The following ARHGEF4 variants were observed in gnomAD, a reference collection of about 807,000 sequenced individuals.
ARHGEF4 encodes the protein Rho guanine nucleotide exchange factor 4.
In ARHGEF4, 119 loss-of-function variants were observed where a neutral mutation model predicts 162.0. That is an observed-to-expected ratio of 0.73 (90% CI 0.63 to 0.86). The LOEUF (loss-of-function observed/expected upper bound fraction) is 0.86, where lower values mean the gene tolerates loss of function less well. ARHGEF4 is among the 40% of genes least tolerant of loss of function. The probability of loss-of-function intolerance (pLI) is 0.00; values close to 1 mark genes in which losing one functional copy is unlikely to be tolerated. For missense variants in ARHGEF4, 2,488 were observed against 2,456.0 expected (o/e 1.01, Z -0.28); for synonymous variants, 1,014 against 979.9 (o/e 1.03, Z -0.65).
intron 4 of ARHGEF4, among the ~76,000 whole-genome samples, chr2:130,968,315 C>T (rs564272968): frequency 6.6e-6 from 1 of 152,324 alleles, no homozygotes; most frequent in East Asian, 1.9e-4. Flanking sequence ...AAGTAGGACC[C>T]AACCTATAAT....
intron 1 of ARHGEF4, among the ~76,000 whole-genome samples, chr2:130,853,535 G>GTCT (rs1399203219): frequency 2.6e-5 from 4 of 152,340 alleles, no homozygotes; most frequent in African/African-American, 9.6e-5. Flanking sequence ...GGAGGGGCAT[G>GTCT]TCTTCGCTCA....
In ARHGEF4 at chr2:131,032,014, G is replaced by A. The variant is rs182844819; in HGVS notation, c.4125+3930G>A. Among the ~76,000 whole-genome samples the A allele has an allele frequency of 4.2e-3, 639 of 152,246 alleles. 4 individuals carry two copies. The highest frequency in any genetic ancestry group is 7.3e-3 in the Admixed American group (111 of 15,306). ...AGGACGGCCTGGCTCCTGCTGGGGAGGTCTAGGGTCTCCCATTGCCCACTG... is the reference window on the plus strand; with the variant it reads ...AGGACGGCCTGGCTCCTGCTGGGGAAGTCTAGGGTCTCCCATTGCCCACTG... On this transcript the variant is annotated intron_variant, in intron 5 of 13. Transcript: ENST00000409359.
At chr2:130,857,104 T>C (rs1006698090) in intron 1 of ARHGEF4, among the ~76,000 whole-genome samples, 18 of 151,934 alleles carry the variant, frequency 1.2e-4, no homozygotes, top group East Asian at 3.9e-4. Flanking sequence ...TGGTGGCGGG[T>C]GCCTGTAGTC....
intron 5 of ARHGEF4, among the ~76,000 whole-genome samples, chr2:131,036,960 G>A (rs777624352): frequency 2.0e-5 from 3 of 152,148 alleles, no homozygotes; most frequent in Admixed American, 1.3e-4. Flanking sequence ...CCATATGGTC[G>A]CCTGAGCCCT....
intron 5 of ARHGEF4, among the ~76,000 whole-genome samples, chr2:131,037,084 C>T (rs1690346415): frequency 6.6e-6 from 1 of 152,204 alleles, no homozygotes; most frequent in Non-Finnish European, 1.5e-5. Flanking sequence ...CTGCTGCCCC[C>T]AGGAATAACC....
chr2:130,996,498 T>C (rs1427450946), intron 4 of ARHGEF4, among the ~76,000 whole-genome samples: 1 of 152,258 alleles, frequency 6.6e-6, no homozygotes, highest in Non-Finnish European at 1.5e-5. Context: ...CCTTTGATTC[T>C]CTCTGTAGTC....
intron 2 of ARHGEF4, among the ~76,000 whole-genome samples, chr2:130,924,940 T>C (rs1340061564): frequency 6.6e-6 from 1 of 152,104 alleles, no homozygotes; most frequent in East Asian, 1.9e-4. Context: ...ATATCCACTT[T>C]ATGGAATGAA....
Position 131,039,038 on chromosome 2 carries a change from G to A in ARHGEF4, c.4305+6G>A, listed in dbSNP as rs1376652511. 6.2e-7 allele frequency: 1 copy of A among 1,602,442 alleles called. No individual in the cohort carries two copies. The highest frequency in any genetic ancestry group is 1.7e-5 in the Admixed American group (1 of 58,926). On this transcript the variant is annotated splice_donor_region_variant and intron_variant, in intron 6 of 13. Coordinates refer to ENST00000409359, the MANE Select transcript of ARHGEF4 (RefSeq NM_001367493.1). Reference sequence around the variant, plus strand: ...TTCCAGCCAGCTTCGTTCGGGTATGGTTCCAAGCCCCAGCTTCTCCCAAGT... The same window carrying A: ...TTCCAGCCAGCTTCGTTCGGGTATGATTCCAAGCCCCAGCTTCTCCCAAGT...
intron 4 of ARHGEF4, among the ~76,000 whole-genome samples, chr2:130,986,082 T>TTG (rs199910924): frequency 0.014 from 2,172 of 152,086 alleles, 59 homozygotes; most frequent in African/African-American, 0.05. Flanking sequence ...ATGACGTGTT[T>TTG]TGTGTGTGTT....
intron 1 of ARHGEF4, among the ~76,000 whole-genome samples, chr2:130,891,920 C>T (rs528240060): frequency 6.6e-6 from 1 of 152,136 alleles, no homozygotes; most frequent in Non-Finnish European, 1.5e-5. Context: ...GGCTGTGTTC[C>T]AGTAAAACTT....
intron 4 of ARHGEF4, among the ~76,000 whole-genome samples, chr2:130,983,934 C>T (rs897921558): frequency 6.6e-6 from 1 of 152,134 alleles, no homozygotes; most frequent in African/African-American, 2.4e-5. Flanking sequence ...CAGGCATGAG[C>T]CACAATGCCC....
intron 4 of ARHGEF4, among the ~76,000 whole-genome samples, chr2:130,979,697 C>T: frequency 7.1e-6 from 1 of 140,800 alleles, no homozygotes; most frequent in East Asian, 2.1e-4. Flanking sequence ...GATTGTGCCG[C>T]TGCATTCCAG....
intron 1 of ARHGEF4, among the ~76,000 whole-genome samples, chr2:130,894,329 G>T (rs757372089): frequency 3.9e-5 from 6 of 152,128 alleles, no homozygotes; most frequent in Non-Finnish European, 2.9e-5. Context: ...TCAGGAGGGG[G>T]ATGTTCACTA....
chr2:130,927,723 G>C (rs1336755314), intron 2 of ARHGEF4, among the ~76,000 whole-genome samples: 1 of 152,164 alleles, frequency 6.6e-6, no homozygotes, highest in African/African-American at 2.4e-5. Context: ...AAAACCTAGG[G>C]AACTACCTGG....
intron 4 of ARHGEF4, among the ~76,000 whole-genome samples, chr2:130,965,905 G>A (rs1040361849): frequency 6.6e-6 from 1 of 152,160 alleles, no homozygotes; most frequent in Non-Finnish European, 1.5e-5. Context: ...AGGAGGACAG[G>A]GTAAAAGCTG....
intron 5 of ARHGEF4, among the ~76,000 whole-genome samples, chr2:131,028,841 G>C (rs1489230053): frequency 6.6e-6 from 1 of 152,182 alleles, no homozygotes; most frequent in East Asian, 1.9e-4. Context: ...GTGTGTTTCT[G>C]CTTCATTAAA....
intron 4 of ARHGEF4, among the ~76,000 whole-genome samples, chr2:130,956,369 G>C (rs550383981): frequency 3.3e-5 from 5 of 152,110 alleles, no homozygotes; most frequent in Middle Eastern, 6.8e-3. Flanking sequence ...TACACTGTTG[G>C]TGGGACTGTA....
chr2:130,963,153 TA>T (rs1684735832), intron 4 of ARHGEF4, among the ~76,000 whole-genome samples: 2 of 152,228 alleles, frequency 1.3e-5, no homozygotes, highest in African/African-American at 4.8e-5. Flanking sequence ...TCTTGCACTG[TA>T]AAACCCGGTC....
chr2:131,014,646 G>A (rs1558852747), intron 4 of ARHGEF4, among the ~76,000 whole-genome samples: 1 of 152,314 alleles, frequency 6.6e-6, no homozygotes, highest in East Asian at 1.9e-4. Context: ...TCTGTAAATA[G>A]CATAGTATAT....
Sources: allele counts gnomAD v4.1 joint callset (sites outside exome capture counted in the v4.1 genomes callset), GRCh38; gene constraint gnomAD v4.1.1; transcripts MANE v1.5; gene names NCBI Gene and HGNC (gene_info 2026-07-23, HGNC 2026-07-21).